SSH2: variants seen among roughly 807,000 people sequenced by gnomAD.
SSH2 encodes slingshot protein phosphatase 2, also known as protein phosphatase Slingshot homolog 2.
SSH2 carries 37 observed loss-of-function variants against 135.2 expected under a neutral mutation model. The observed-to-expected ratio is 0.27, with a 90% CI of 0.21 to 0.36. The LOEUF is 0.36. Ranked by LOEUF, SSH2 falls within the 10% of genes least tolerant of loss-of-function variation. The pLI is 1.00. For synonymous variants in SSH2, 628 were observed against 646.2 expected, an observed-to-expected ratio of 0.97 and a Z score of 0.43; for missense variants, 1,408 against 1,765.3, an observed-to-expected ratio of 0.80 and a Z score of 3.63.
chr17:29,900,462 G>T (rs1599164318), intron 1 of SSH2, among the ~76,000 whole-genome samples: 1 of 152,260 alleles, frequency 6.6e-6, no homozygotes, highest in East Asian at 1.9e-4. Context: ...TCAACAAGTG[G>T]GCGAAGGATA....
Position 29,903,110 on chromosome 17 carries a change from C to T in SSH2, c.63+26828G>A, listed in dbSNP as rs545604390. On this transcript the variant is annotated intron_variant, in intron 1 of 15. Coordinates refer to ENST00000540801, the MANE Select transcript of SSH2 (RefSeq NM_001282129.2). ...CTGAAGCAGGAGAATTGCCTGAGCA[C>T]GAGAAGTAGAGGCTGCAGTGAGCCG... 1.6e-3 allele frequency among the ~76,000 whole-genome samples: 250 copies of T among 151,694 alleles called. 1 individual carries two copies. The highest frequency in any genetic ancestry group is 9.6e-3 in the Admixed American group (146 of 15,186).
rs2035898599 is a variant in SSH2, at chr17:29,635,982, C to T, written c.2248G>A (p.Glu750Lys). ...PHASEESSMD[E>K]EQSKAISELV... ...ACAGTTTTTACCTTTGACTGTTCCT[C>T]ATCCATTGAAGATTCTTCTGATGCA... Residue 750 changes from glutamate (E) to lysine (K), a missense_variant, in exon 15 of 16, where the codon GAG becomes AAG. Physicochemically the swap from Glu to Lys is moderately conservative, Grantham distance 56. This residue lies in a region of SSH2 where 1,080 missense variants were observed against 1,144.5 expected (regional missense o/e 0.94). Coordinates refer to ENST00000540801, the MANE Select transcript of SSH2 (RefSeq NM_001282129.2). 4.3e-6 allele frequency: 7 copies of T among 1,611,284 alleles called. No homozygotes were observed. The East Asian group carries it at 1.6e-4, about 36-fold the overall frequency.
chr17:29,868,464 G>A (rs2065889122), intron 1 of SSH2, among the ~76,000 whole-genome samples: 1 of 152,150 alleles, frequency 6.6e-6, no homozygotes, highest in African/African-American at 2.4e-5. Flanking sequence ...CCGGCTGGGT[G>A]CGGTGTCTCA....
chr17:29,711,796 CT>C (rs1262138350), intron 3 of SSH2, among the ~76,000 whole-genome samples: 1 of 152,190 alleles, frequency 6.6e-6, no homozygotes, highest in African/African-American at 2.4e-5. Context: ...ATTATTCGTA[CT>C]GCTTTAGATA....
chr17:29,887,917 A>T (rs561208579), intron 1 of SSH2, among the ~76,000 whole-genome samples: 1 of 152,192 alleles, frequency 6.6e-6, no homozygotes, highest in South Asian at 2.1e-4. Context: ...GTTTTTGCAG[A>T]TTAGTATATG....
intron 1 of SSH2, among the ~76,000 whole-genome samples, chr17:29,909,354 G>A (rs533859791): frequency 7.9e-5 from 12 of 151,834 alleles, no homozygotes; most frequent in African/African-American, 2.2e-4. Flanking sequence ...AAGTTTCCAC[G>A]AGACCTAGTT....
intron 1 of SSH2, among the ~76,000 whole-genome samples, chr17:29,898,293 G>C (rs987296592): frequency 3.7e-4 from 56 of 152,100 alleles, no homozygotes; most frequent in African/African-American, 1.3e-3. Context: ...AAGAACTGAA[G>C]GATATAGAGA....
chr17:29,878,704 A>G (rs1026968536), intron 1 of SSH2, among the ~76,000 whole-genome samples: 11 of 152,172 alleles, frequency 7.2e-5, no homozygotes, highest in African/African-American at 2.4e-4. Context: ...TTAAATAATG[A>G]GTTACTAGTC....
At chr17:29,814,812 A>C (rs1010512851) in intron 2 of SSH2, among the ~76,000 whole-genome samples, 2 of 152,138 alleles carry the variant, frequency 1.3e-5, no homozygotes, top group Non-Finnish European at 2.9e-5. Flanking sequence ...CTGGTATGTG[A>C]ATTATAAATG....
At chr17:29,680,408 G>A (rs1303474889) in intron 6 of SSH2, among the ~76,000 whole-genome samples, 1 of 151,692 alleles carries the variant, frequency 6.6e-6, no homozygotes, top group Non-Finnish European at 1.5e-5. Flanking sequence ...TTAGCTGGGT[G>A]CAGGGGCAGA....
At chr17:29,851,728 A>G (rs2065564445) in intron 1 of SSH2, among the ~76,000 whole-genome samples, 2 of 152,088 alleles carry the variant, frequency 1.3e-5, no homozygotes, top group African/African-American at 4.8e-5. Flanking sequence ...TCAGCCAAGT[A>G]TGGTGGCACA....
chr17:29,663,109 T>C (rs1416012340), intron 11 of SSH2, among the ~76,000 whole-genome samples: 2 of 152,206 alleles, frequency 1.3e-5, no homozygotes, highest in African/African-American at 4.8e-5. Flanking sequence ...TTCCCACCAA[T>C]CAATTCTCTC....
At chr17:29,834,993 A>G (rs2042919264) in intron 2 of SSH2, among the ~76,000 whole-genome samples, 1 of 152,252 alleles carries the variant, frequency 6.6e-6, no homozygotes, top group Admixed American at 6.5e-5. Context: ...TTTCTGGGTC[A>G]AAGCATTTGA....
chr17:29,677,757 T>C lies in SSH2; in HGVS notation c.480-16A>G, dbSNP rs2151060843. ...ACAAGTGCTACTGCAAGACAAGAAG[T>C]AGTCCAATAGTTACTCCCCATTACT... On this transcript the variant is annotated splice_polypyrimidine_tract_variant and intron_variant, in intron 6 of 15. Coordinates refer to ENST00000540801, the MANE Select transcript of SSH2 (RefSeq NM_001282129.2). 6.2e-7 allele frequency: 1 copy of C among 1,605,684 alleles called. No individual in the cohort carries two copies. Among genetic ancestry groups the C allele is most frequent in the Non-Finnish European group, 8.5e-7 (1 of 1,172,310 alleles).
chr17:29,840,324 A>C (rs750621083), intron 2 of SSH2, among the ~76,000 whole-genome samples: 29 of 152,290 alleles, frequency 1.9e-4, no homozygotes, highest in Non-Finnish European at 4.1e-4. Flanking sequence ...CAAAAATACA[A>C]CTCTGGTAAA....
intron 12 of SSH2, among the ~76,000 whole-genome samples, chr17:29,653,946 A>C (rs1170375271): frequency 6.6e-6 from 1 of 152,044 alleles, no homozygotes; most frequent in African/African-American, 2.4e-5. Context: ...ACATTGTCCC[A>C]CTCCTAAAGA....
intron 3 of SSH2, among the ~76,000 whole-genome samples, chr17:29,754,033 A>G (rs982310710): frequency 1.3e-5 from 2 of 152,178 alleles, no homozygotes; most frequent in African/African-American, 4.8e-5. Context: ...TCTACCATCA[A>G]GCCATGTAGC....
intron 1 of SSH2, among the ~76,000 whole-genome samples, chr17:29,901,237 C>T (rs1055636584): frequency 1.3e-5 from 2 of 151,972 alleles, no homozygotes; most frequent in Admixed American, 6.6e-5. Flanking sequence ...ATGTAACAAA[C>T]CTGCACGTTG....
Position 29,632,591 on chromosome 17 carries a change from C to A in SSH2, c.2603G>T (p.Gly868Val). ...CTCTTGTTCCCCCTCAGCTGGTTCC[C>A]CTTCTTCCAAGTCTGCTATAGATGA... ...THSSIADLEEGEPAEGEQELQ... is the reference protein window; with the variant it reads ...THSSIADLEEVEPAEGEQELQ... Residue 868 changes from glycine (G) to valine (V), a missense_variant, in exon 16 of 16, where the codon GGG becomes GTG. This residue lies in a region of SSH2 where 1,080 missense variants were observed against 1,144.5 expected (regional missense o/e 0.94). Coordinates refer to ENST00000540801, the MANE Select transcript of SSH2 (RefSeq NM_001282129.2). The A allele has an allele frequency of 6.2e-7, 1 of 1,614,172 alleles. No homozygotes were observed. The highest frequency in any genetic ancestry group is 1.7e-5 in the Admixed American group (1 of 60,016).
Sources: allele counts gnomAD v4.1 joint callset (sites outside exome capture counted in the v4.1 genomes callset), GRCh38; gene constraint gnomAD v4.1.1; regional missense constraint gnomAD v4.1.1; transcripts MANE v1.5; gene names NCBI Gene and HGNC (gene_info 2026-07-23, HGNC 2026-07-21).